FNTB: variants seen among roughly 807,000 people sequenced by gnomAD.
FNTB encodes protein farnesyltransferase subunit beta.
In FNTB, 27 loss-of-function variants were observed where a neutral mutation model predicts 59.4. That is an observed-to-expected ratio of 0.45 (90% confidence interval 0.34 to 0.63). The LOEUF (loss-of-function observed/expected upper bound fraction) is 0.63. Among genes scored for constraint, FNTB ranks in the 20% least tolerant of loss-of-function variants. FNTB has a pLI of 0.02. For missense variants in FNTB, 449 were observed against 559.6 expected, an observed-to-expected ratio of 0.80 and a Z score of 1.99; for synonymous variants, 230 against 220.7, an observed-to-expected ratio of 1.04 and a Z score of -0.37.
rs1454093611 is a variant in FNTB at position 65,031,507 on chromosome 14, G to A, written c.606-1103G>A. ...TAATTTTTGTGTTTTTAGTGGAGAC[G>A]GGGTTTCGCAATATTGGTCAGGTTG... On this transcript the variant is annotated intron_variant, in intron 6 of 11. Transcript: ENST00000246166. The surrounding 1 kb of genome is among the most constrained non-coding windows in gnomAD (Gnocchi z 4.6). Among the ~76,000 whole-genome samples, 1 of 151,792 alleles carries A rather than the reference G, an allele frequency of 6.6e-6. No homozygotes were observed. Among genetic ancestry groups the A allele is most frequent in the Non-Finnish European group, 1.5e-5 (1 of 67,956 alleles).
chr14:65,056,626 T>C (rs1169751472), intron 11 of FNTB, among the ~76,000 whole-genome samples: 2 of 152,222 alleles, frequency 1.3e-5, no homozygotes, highest in African/African-American at 4.8e-5. Context: ...TGTTGTCTTC[T>C]GCGAATTGTC....
intron 9 of FNTB, among the ~76,000 whole-genome samples, chr14:65,052,631 T>C (rs941726383): frequency 1.3e-5 from 2 of 152,196 alleles, no homozygotes; most frequent in African/African-American, 4.8e-5. Context: ...TTAGTAGTAT[T>C]ACCAGAATAC....
intron 7 of FNTB, among the ~76,000 whole-genome samples, chr14:65,034,429 T>C (rs1355041362): frequency 6.6e-6 from 1 of 152,252 alleles, no homozygotes; most frequent in Non-Finnish European, 1.5e-5. Context: ...TGTTCTAATC[T>C]CACACTTAAT....
In FNTB at chr14:65,007,553, A is replaced by G. The variant is rs2061613752; in HGVS notation, c.209+3240A>G. On this transcript the variant is annotated intron_variant, in intron 2 of 11. Coordinates refer to ENST00000246166, the MANE Select transcript of FNTB (RefSeq NM_002028.4). This position sits in a 1 kb window ranked among gnomAD's most constrained non-coding sequence, Gnocchi z 4.9. ...CAAGCCTGGAGCTGAATGTCAGTAC[A>G]TTCTATACTTAATCCCCTTCCCAGA... Among the ~76,000 whole-genome samples the G allele has an allele frequency of 6.6e-6, 1 of 152,230 alleles. No individual in the cohort carries two copies. The highest frequency in any genetic ancestry group is 2.4e-5 in the African/African-American group (1 of 41,462).
rs1021719842 is a variant in FNTB at position 65,031,959 on chromosome 14, C to T, written c.606-651C>T. Among the ~76,000 whole-genome samples, 1 of 148,490 alleles carries T rather than the reference C, an allele frequency of 6.7e-6. No homozygotes were observed. ...ACAAAAGCAAAACAAAAAATATAGACGTGCGCCTTTTTCATTTAACGTGTG... is the reference window on the plus strand; with the variant it reads ...ACAAAAGCAAAACAAAAAATATAGATGTGCGCCTTTTTCATTTAACGTGTG... On this transcript the variant is annotated intron_variant, in intron 6 of 11. Coordinates refer to ENST00000246166, the MANE Select transcript of FNTB (RefSeq NM_002028.4). This position sits in a 1 kb window ranked among gnomAD's most constrained non-coding sequence, Gnocchi z 4.6.
rs912198894 is a variant in FNTB at position 64,997,175 on chromosome 14, C to T, written c.145-7074C>T. ...AGATGTAGGTGTAAAGGATAACCAGCGATTATTCCGGAGGTCACAAGATTT... is the reference window on the plus strand; with the variant it reads ...AGATGTAGGTGTAAAGGATAACCAGTGATTATTCCGGAGGTCACAAGATTT... On this transcript the variant is annotated intron_variant, in intron 1 of 11. Coordinates refer to ENST00000246166, the MANE Select transcript of FNTB (RefSeq NM_002028.4). The surrounding 1 kb of genome is among the most constrained non-coding windows in gnomAD (Gnocchi z 4.5). Among the ~76,000 whole-genome samples, 1 of 152,106 alleles carries T rather than the reference C, an allele frequency of 6.6e-6. No homozygotes were observed. The highest frequency in any genetic ancestry group is 1.5e-5 in the Non-Finnish European group (1 of 68,028).
rs185687465 is a variant in FNTB at position 65,031,687 on chromosome 14, A to G, written c.606-923A>G. 2.3e-3 allele frequency among the ~76,000 whole-genome samples: 351 copies of G among 152,172 alleles called. 3 individuals are homozygous for G. The highest frequency in any genetic ancestry group is 7.6e-3 in the African/African-American group (317 of 41,572). On this transcript the variant is annotated intron_variant, in intron 6 of 11. Coordinates refer to ENST00000246166, the MANE Select transcript of FNTB (RefSeq NM_002028.4). This position sits in a 1 kb window ranked among gnomAD's most constrained non-coding sequence, Gnocchi z 4.6. ...TGTAATCCCAGCACTTTGGGAGGCC[A>G]AGGCAGGTGGATTGCTTGAGGTCAG...
At chr14:65,034,962 G>C (rs991050951) in intron 7 of FNTB, among the ~76,000 whole-genome samples, 2 of 152,348 alleles carry the variant, frequency 1.3e-5, no homozygotes, top group Middle Eastern at 3.4e-3. Flanking sequence ...AACTTGGTCA[G>C]ACTCAAGCTA....
At position 64,987,103 on chromosome 14, in the gene FNTB, G is replaced by GTGGC. The variant is rs1487932451; in HGVS notation, c.144+7_144+10dup. ...CAGTCACGTCCATAGAACAGGTGAG[G>GTGGC]TGGCAGGACTGGGCGAGGCGCCCGC... is the stretch of plus-strand genomic sequence containing the variant. On this transcript the variant is annotated splice_region_variant and intron_variant, in intron 1 of 11. Coordinates refer to ENST00000246166, the MANE Select transcript of FNTB (RefSeq NM_002028.4). 6.2e-7 allele frequency: 1 copy of GTGGC among 1,614,142 alleles called. No homozygotes were observed. Among genetic ancestry groups the GTGGC allele is most frequent in the South Asian group, 1.1e-5 (1 of 91,084 alleles).
intron 1 of FNTB, among the ~76,000 whole-genome samples, chr14:64,995,711 T>C (rs1218723872): frequency 6.7e-6 from 1 of 150,232 alleles, no homozygotes; most frequent in African/African-American, 2.4e-5. Flanking sequence ...GTGTATATTA[T>C]ATATGTATAT....
intron 7 of FNTB, among the ~76,000 whole-genome samples, chr14:65,035,833 T>G (rs1320553096): frequency 7.0e-6 from 1 of 142,652 alleles, no homozygotes; most frequent in Non-Finnish European, 1.6e-5. Flanking sequence ...TGCGCCCAGC[T>G]TTTTTTTTTT....
rs1444024251 is a variant in FNTB at position 65,060,503 on chromosome 14, C to T, written c.1183-678C>T. On this transcript the variant is annotated intron_variant, in intron 11 of 11. Coordinates refer to ENST00000246166, the MANE Select transcript of FNTB (RefSeq NM_002028.4). The stretch of plus-strand genomic sequence containing the variant: ...CGAGGTCAGGAGATCGAGACCATCC[C>T]GGCTAAAACGGTGAAACCCCGTCTC... Among the ~76,000 whole-genome samples the T allele has an allele frequency of 5.5e-5, 7 of 126,924 alleles. 1 individual carries two copies. The highest frequency in any genetic ancestry group is 2.2e-4 in the African/African-American group (5 of 22,562). The allele number at this position is 126,924 out of a possible 152,430, so 83.3% of individuals were successfully genotyped here. A position where few individuals can be genotyped will look rare whatever the true frequency, so the allele number is the denominator to read the frequency against.
intron 2 of FNTB, among the ~76,000 whole-genome samples, chr14:65,006,466 GCT>G (rs1435140979): frequency 1.3e-5 from 2 of 152,208 alleles, no homozygotes; most frequent in Admixed American, 1.3e-4. Flanking sequence ...GGGAGAACGA[GCT>G]CTCTTAAATG....
rs2062864560 is a variant in FNTB at position 65,061,471 on chromosome 14, G to C, written c.*159G>C. The C allele has an allele frequency of 1.6e-6, 2 of 1,282,408 alleles. No individual in the cohort carries two copies. Among genetic ancestry groups the C allele is most frequent in the Admixed American group, 5.8e-5 (2 of 34,720 alleles). 79.4% of individuals were successfully genotyped at this position (1,282,408 alleles called of 1,614,324 possible). A position where few individuals can be genotyped will look rare whatever the true frequency, so the allele number is the denominator to read the frequency against. ...TTGTCAAACAAAACCAATGGCTCTG[G>C]GTTTGGAGAACACAGTGGCTGGTTT... On this transcript the variant is annotated 3_prime_UTR_variant, in exon 12 of 12. Coordinates refer to ENST00000246166, the MANE Select transcript of FNTB (RefSeq NM_002028.4).
intron 7 of FNTB, among the ~76,000 whole-genome samples, chr14:65,034,383 C>G (rs2062146833): frequency 6.6e-6 from 1 of 152,172 alleles, no homozygotes; most frequent in Non-Finnish European, 1.5e-5. Flanking sequence ...AAAAGGGTAC[C>G]TGGGAGATAC....
At position 65,061,270 on chromosome 14, in the gene FNTB, G is replaced by A. The variant is rs373240145; in HGVS notation, c.1272G>A (p.Glu424=). 143 of 1,614,026 alleles carry A rather than the reference G, an allele frequency of 8.9e-5. No homozygotes were observed. Among genetic ancestry groups the A allele is most frequent in the Non-Finnish European group, 1.2e-4 (139 of 1,180,028 alleles). ...YFLQKPVPGF[E]ELKDETSAEP... The stretch of plus-strand genomic sequence containing the variant: ...TACAGAAGCCAGTCCCAGGTTTTGA[G>A]GAGCTTAAGGATGAGACATCGGCAG... The change falls in exon 12 of 12, where the codon GAG becomes GAA. Residue 424 remains glutamate, a synonymous_variant. Transcript: ENST00000246166.
In FNTB at chr14:65,053,329, G is replaced by A. The variant is rs143955803; in HGVS notation, c.1047G>A (p.Gly349=). Residue 349 remains glycine, a synonymous_variant, in exon 10 of 12, where the codon GGG becomes GGA. Transcript: ENST00000246166. ...TGTGCTGCCAGTGCCCTGCGGGGGG[G>A]CTTCTGGATAAACCTGGCAAGTGAG... The part of the protein sequence containing the change: ...ILMCCQCPAG[G]LLDKPGKSRD... The A allele has an allele frequency of 2.8e-6, 4 of 1,447,698 alleles. No individual in the cohort carries two copies. The highest frequency in any genetic ancestry group is 1.5e-5 in the South Asian group (1 of 64,706). The allele number at this position is 1,447,698 out of a possible 1,614,324, so 89.7% of individuals were successfully genotyped here. A position where few individuals can be genotyped will look rare whatever the true frequency, so the allele number is the denominator to read the frequency against.
At position 65,032,710 on chromosome 14, in the gene FNTB, G is replaced by C. The variant is rs748420900; in HGVS notation, c.692+14G>C. ...ATGGATAGCAAGGTGAGAGAAGCCA[G>C]GGTTTCTCCTGGCCTCTTGGAGAGC... On this transcript the variant is annotated intron_variant, in intron 7 of 11. Transcript: ENST00000246166. This position sits in a 1 kb window ranked among gnomAD's most constrained non-coding sequence, Gnocchi z 5.0. 8 of 1,612,350 alleles carry C rather than the reference G, an allele frequency of 5.0e-6. No homozygotes were observed. In the South Asian group the frequency reaches 8.8e-5, roughly 18 times the overall value.
At chr14:65,022,344 T>A (rs996762583) in intron 4 of FNTB, among the ~76,000 whole-genome samples, 11 of 152,036 alleles carry the variant, frequency 7.2e-5, no homozygotes, top group Non-Finnish European at 1.3e-4. Context: ...TTATAACTTA[T>A]CCTAGGCCTT....
Sources: allele counts gnomAD v4.1 joint callset (sites outside exome capture counted in the v4.1 genomes callset), GRCh38; gene constraint gnomAD v4.1.1; non-coding constraint Gnocchi (gnomAD v3.1); transcripts MANE v1.5; gene names NCBI Gene and HGNC (gene_info 2026-07-23, HGNC 2026-07-21).